RPS6KC1: variants seen among roughly 807,000 people sequenced by gnomAD.
The protein encoded by RPS6KC1 is ribosomal protein S6 kinase C1.
Under a neutral mutation model 103.8 loss-of-function variants are expected in RPS6KC1, and 54 were observed. The ratio of observed to expected loss-of-function variants is 0.52; its 90% CI spans 0.42 to 0.65. RPS6KC1 has a LOEUF of 0.65. RPS6KC1 is among the 30% of genes least tolerant of loss of function. The pLI, the probability that RPS6KC1 is intolerant of heterozygous loss-of-function variation, is 0.00. For missense variants in RPS6KC1, 1,151 were observed against 1,253.8 expected (o/e 0.92, Z 1.24); for synonymous variants, 439 against 438.7 (o/e 1.00, Z -0.01).
chr1:213,343,436 T>TACAC, the RPS6KC1 span, among the ~76,000 whole-genome samples: 200 of 86,754 alleles, frequency 2.3e-3, 8 homozygotes, highest in African/African-American at 7.6e-3. Flanking sequence ...TATATATATA[T>TACAC]ATATACATAC....
the RPS6KC1 span, among the ~76,000 whole-genome samples, chr1:213,481,163 G>A: frequency 0.87 from 132,186 of 152,196 alleles, 57,513 homozygotes; most frequent in East Asian, 0.98. Flanking sequence ...CCTTTATTCC[G>A]TTTTTTATTT....
chr1:213,363,704 TTCTTTCTTTCTTTCTTTCTTTCG>T, the RPS6KC1 span, among the ~76,000 whole-genome samples: 1 of 103,262 alleles, frequency 9.7e-6, no homozygotes, highest in East Asian at 2.3e-4. Context: ...CTTTCTTTCC[TTCTTTCTTTCTTTCTTTCTTTCG>T]TTCTTTCTTT....
the RPS6KC1 span, among the ~76,000 whole-genome samples, chr1:213,405,699 A>T: frequency 7.9e-5 from 12 of 152,238 alleles, no homozygotes; most frequent in Non-Finnish European, 1.3e-4. Context: ...TGAATGTTTG[A>T]CAAGAATGGC....
chr1:213,559,594 A>C, the RPS6KC1 span, among the ~76,000 whole-genome samples: 20 of 152,222 alleles, frequency 1.3e-4, no homozygotes, highest in Non-Finnish European at 1.5e-5. Flanking sequence ...TAAGAACAAA[A>C]TTTGGACACT....
chr1:213,132,437 C>CACAA (rs1170068731), intron 6 of RPS6KC1, among the ~76,000 whole-genome samples: 2 of 152,178 alleles, frequency 1.3e-5, no homozygotes, highest in Non-Finnish European at 2.9e-5. Flanking sequence ...ACCTTTGTTT[C>CACAA]AGTCCTCCTG....
rs745817220 is a variant in RPS6KC1, at chr1:213,051,503, C to A, written c.99C>A (p.Thr33=). 5 of 1,609,282 alleles carry A rather than the reference C, an allele frequency of 3.1e-6. No homozygotes were observed. In the South Asian group the frequency reaches 5.5e-5, roughly 18 times the overall value. Residue 33 remains threonine (T), a synonymous_variant, in exon 1 of 15, where the codon ACC becomes ACA. Coordinates refer to ENST00000366960, the MANE Select transcript of RPS6KC1 (RefSeq NM_012424.6). ...GGGGCTACACAGTATATAAGGTCACCGCCCGGGTGAGTGCCGGTGTCGGGC... is the reference window on the plus strand; with the variant it reads ...GGGGCTACACAGTATATAAGGTCACAGCCCGGGTGAGTGCCGGTGTCGGGC... ...HPRGYTVYKV[T]ARVVSRRNPE...
chr1:213,547,432 T>G, the RPS6KC1 span, among the ~76,000 whole-genome samples: 1 of 152,234 alleles, frequency 6.6e-6, no homozygotes, highest in Non-Finnish European at 1.5e-5. Context: ...TCTCAAATTC[T>G]GCCACTATTT....
the RPS6KC1 span, among the ~76,000 whole-genome samples, chr1:213,370,248 A>ATTTATTTTATTTTATTTTATTTTAT: frequency 7.7e-4 from 109 of 142,156 alleles, 2 homozygotes; most frequent in South Asian, 2.6e-3. Flanking sequence ...ATTTTATTTT[A>ATTTATTTTATTTTATTTTATTTTAT]TTTATTTTAT....
At chr1:213,497,807 A>G in the RPS6KC1 span, among the ~76,000 whole-genome samples, 1 of 152,092 alleles carries the variant, frequency 6.6e-6, no homozygotes, top group Non-Finnish European at 1.5e-5. Flanking sequence ...AATATTTGTT[A>G]AGACTTGGAA....
At chr1:213,710,709 G>C in the RPS6KC1 span, among the ~76,000 whole-genome samples, 1 of 152,104 alleles carries the variant, frequency 6.6e-6, no homozygotes, top group Non-Finnish European at 1.5e-5. Flanking sequence ...AGGCAGGCCT[G>C]GTGGTGACAA....
At chr1:213,607,727 A>ACAC in the RPS6KC1 span, among the ~76,000 whole-genome samples, 3 of 150,998 alleles carry the variant, frequency 2.0e-5, no homozygotes, top group South Asian at 2.1e-4. Context: ...ACACACACAC[A>ACAC]AAATAAATAA....
the RPS6KC1 span, among the ~76,000 whole-genome samples, chr1:213,609,558 A>G: frequency 6.6e-6 from 1 of 152,050 alleles, no homozygotes; most frequent in Non-Finnish European, 1.5e-5. Flanking sequence ...AGGCTTGTGC[A>G]TCCCCGGAAA....
At chr1:213,334,961 G>T in the RPS6KC1 span, among the ~76,000 whole-genome samples, 1 of 152,228 alleles carries the variant, frequency 6.6e-6, no homozygotes, top group Non-Finnish European at 1.5e-5. Context: ...GGGTATTGCT[G>T]TGACAGAGAT....
At chr1:213,584,033 G>A in the RPS6KC1 span, among the ~76,000 whole-genome samples, 1 of 151,968 alleles carries the variant, frequency 6.6e-6, no homozygotes, top group African/African-American at 2.4e-5. Context: ...CTTGGTGGGA[G>A]ATAATTGAAT....
the RPS6KC1 span, among the ~76,000 whole-genome samples, chr1:213,281,161 T>TA: frequency 6.6e-6 from 1 of 152,132 alleles, no homozygotes; most frequent in African/African-American, 2.4e-5. Flanking sequence ...TAAATGACCT[T>TA]AAGGGGCTAT....
chr1:213,502,824 C>T, the RPS6KC1 span, among the ~76,000 whole-genome samples: 2 of 152,056 alleles, frequency 1.3e-5, no homozygotes, highest in East Asian at 3.8e-4. Flanking sequence ...CTGTTCTACT[C>T]ATTTTCATTT....
the RPS6KC1 span, among the ~76,000 whole-genome samples, chr1:213,296,124 G>C: frequency 6.6e-6 from 1 of 152,180 alleles, no homozygotes; most frequent in African/African-American, 2.4e-5. Context: ...ATTGATCAGA[G>C]TGGCCACTGA....
chr1:213,758,559 A>G, the RPS6KC1 span, among the ~76,000 whole-genome samples: 48 of 151,438 alleles, frequency 3.2e-4, no homozygotes, highest in African/African-American at 1.1e-3. Flanking sequence ...GCCTGGGTGG[A>G]CAGAATGAGA....
the RPS6KC1 span, among the ~76,000 whole-genome samples, chr1:213,293,654 A>G: frequency 6.6e-6 from 1 of 152,184 alleles, no homozygotes; most frequent in African/African-American, 2.4e-5. Flanking sequence ...CCTGGGTGAC[A>G]GAACGAGATG....
Sources: gnomAD v4.1 joint callset for allele counts (sites outside exome capture counted in the v4.1 genomes callset) on GRCh38, gnomAD v4.1.1 for gene constraint, MANE v1.5 for transcripts, NCBI Gene and HGNC (gene_info 2026-07-23, HGNC 2026-07-21) for gene names.